Variants in SCHIP1 observed in about 807,000 individuals in gnomAD.
The protein encoded by SCHIP1 is schwannomin-interacting protein 1.
A neutral mutation model predicts 29.7 loss-of-function variants in SCHIP1; 8 were observed. That is an observed-to-expected ratio of 0.27 (90% CI 0.16 to 0.49). The LOEUF (loss-of-function observed/expected upper bound fraction) is 0.49, where lower values mean the gene tolerates loss of function less well. Among genes scored for constraint, SCHIP1 ranks in the 20% least tolerant of loss-of-function variants. The probability of loss-of-function intolerance (pLI) is 0.99; values close to 1 mark genes in which losing one functional copy is unlikely to be tolerated. For synonymous variants in SCHIP1, 76 were observed against 94.9 expected (o/e 0.80, Z 1.16); for missense variants, 193 against 294.6 (o/e 0.66, Z 2.52).
At chr3:159,725,423 T>G in the SCHIP1 span, among the ~76,000 whole-genome samples, 1 of 151,970 alleles carries the variant, frequency 6.6e-6, no homozygotes, top group Non-Finnish European at 1.5e-5. Flanking sequence ...CACATGCCAC[T>G]GCACCCAGCT....
chr3:159,457,806 A>G, the SCHIP1 span, among the ~76,000 whole-genome samples: 326 of 152,254 alleles, frequency 2.1e-3, 22 homozygotes, highest in South Asian at 0.067. Context: ...GCACAGTAAG[A>G]GATTAACAAT....
At chr3:159,889,081 G>A (rs1717236814) in intron 5 of SCHIP1, 138 bp downstream of exon 6, 1 of 1,226,450 alleles carries the variant, frequency 8.2e-7, no homozygotes, top group Admixed American at 3.1e-5. Context: ...AGAATCACAA[G>A]GCTCTTTTTT....
chr3:159,537,361 T>C, the SCHIP1 span, among the ~76,000 whole-genome samples: 1,905 of 152,272 alleles, frequency 0.013, 46 homozygotes, highest in African/African-American at 0.044. Flanking sequence ...ACCAAACACC[T>C]GTCTCAGGGC....
the SCHIP1 span, among the ~76,000 whole-genome samples, chr3:159,730,684 G>A: frequency 6.6e-6 from 1 of 152,016 alleles, no homozygotes; most frequent in Non-Finnish European, 1.5e-5. Context: ...AAAATTTAAT[G>A]ATATGAAAAT....
chr3:159,469,197 C>A, the SCHIP1 span, among the ~76,000 whole-genome samples: 1 of 151,966 alleles, frequency 6.6e-6, no homozygotes, highest in African/African-American at 2.4e-5. Context: ...AATATTAAGC[C>A]AAAATGTGAA....
At chr3:159,633,751 A>G in the SCHIP1 span, among the ~76,000 whole-genome samples, 1 of 152,216 alleles carries the variant, frequency 6.6e-6, no homozygotes, top group African/African-American at 2.4e-5. Context: ...TAGGAAGTAC[A>G]TTGAGAATTC....
At chr3:159,350,497 T>C in the SCHIP1 span, among the ~76,000 whole-genome samples, 1 of 152,186 alleles carries the variant, frequency 6.6e-6, no homozygotes, top group Non-Finnish European at 1.5e-5. Context: ...ATTTTTTTCC[T>C]CTGTTTTAAT....
chr3:159,442,603 A>T, the SCHIP1 span, among the ~76,000 whole-genome samples: 3 of 152,080 alleles, frequency 2.0e-5, no homozygotes, highest in Admixed American at 1.3e-4. Flanking sequence ...GTGGATTTTT[A>T]AAAAATTCGT....
the SCHIP1 span, among the ~76,000 whole-genome samples, chr3:159,693,893 G>A: frequency 6.6e-6 from 1 of 152,190 alleles, no homozygotes; most frequent in African/African-American, 2.4e-5. Flanking sequence ...GAATGGTAGA[G>A]CTGAGTGTAC....
At chr3:159,663,966 T>C in the SCHIP1 span, among the ~76,000 whole-genome samples, 1 of 152,220 alleles carries the variant, frequency 6.6e-6, no homozygotes, top group Non-Finnish European at 1.5e-5. Flanking sequence ...ATCTTACTTT[T>C]AAAATCGCTA....
At chr3:159,842,133 C>A (rs1257107995) in intron 1 of SCHIP1, among the ~76,000 whole-genome samples, 2 of 152,082 alleles carry the variant, frequency 1.3e-5, no homozygotes. Context: ...ACTTCCCCAC[C>A]ATTTTACAAG....
the SCHIP1 span, among the ~76,000 whole-genome samples, chr3:159,449,727 G>A: frequency 2.0e-5 from 3 of 152,032 alleles, no homozygotes; most frequent in Non-Finnish European, 2.9e-5. Context: ...TGATTTGCCC[G>A]AATTCCATTT....
chr3:159,428,724 C>A, the SCHIP1 span, among the ~76,000 whole-genome samples: 1 of 151,706 alleles, frequency 6.6e-6, no homozygotes, highest in African/African-American at 2.4e-5. Context: ...ATAAATCATG[C>A]TGCTATAAAG....
chr3:159,511,362 C>T, the SCHIP1 span, among the ~76,000 whole-genome samples: 1 of 152,190 alleles, frequency 6.6e-6, no homozygotes, highest in African/African-American at 2.4e-5. Flanking sequence ...CAGGTGCTTT[C>T]TGTCACCGCT....
At chr3:159,624,657 G>T in the SCHIP1 span, among the ~76,000 whole-genome samples, 1 of 152,142 alleles carries the variant, frequency 6.6e-6, no homozygotes, top group East Asian at 1.9e-4. Context: ...AGGCAGATAG[G>T]CATCTACTTG....
chr3:159,650,642 A>G, the SCHIP1 span, among the ~76,000 whole-genome samples: 1 of 152,216 alleles, frequency 6.6e-6, no homozygotes, highest in Non-Finnish European at 1.5e-5. Flanking sequence ...GAATTTATGT[A>G]CAAAGCTGTT....
the SCHIP1 span, among the ~76,000 whole-genome samples, chr3:159,698,846 A>C: frequency 6.6e-6 from 1 of 151,954 alleles, no homozygotes; most frequent in South Asian, 2.1e-4. Flanking sequence ...GGGTTGCTCC[A>C]TGTTGGCCAG....
chr3:159,883,821 T>A (rs1716690667), intron 2 of SCHIP1, among the ~76,000 whole-genome samples: 1 of 152,206 alleles, frequency 6.6e-6, no homozygotes, highest in African/African-American at 2.4e-5. Flanking sequence ...CGTTTTTTGA[T>A]TTTACGCAGA....
the SCHIP1 span, among the ~76,000 whole-genome samples, chr3:159,489,574 C>G: frequency 6.6e-6 from 1 of 152,102 alleles, no homozygotes; most frequent in Non-Finnish European, 1.5e-5. Context: ...GCATTCGTGT[C>G]TAGTATAATC....
Sources: gnomAD v4.1 joint callset for allele counts (sites outside exome capture counted in the v4.1 genomes callset) on GRCh38, gnomAD v4.1.1 for gene constraint, MANE v1.5 for transcripts, NCBI Gene and HGNC (gene_info 2026-07-23, HGNC 2026-07-21) for gene names.